GNAL: variants seen among roughly 807,000 people sequenced by gnomAD.
GNAL encodes the protein guanine nucleotide-binding protein G(olf) subunit alpha.
A neutral mutation model predicts 55.1 loss-of-function variants in GNAL; 18 were observed. That is an observed-to-expected ratio of 0.33 (90% CI 0.23 to 0.48). The LOEUF is 0.48. Among genes scored for constraint, GNAL ranks in the 20% least tolerant of loss-of-function variants. The probability of loss-of-function intolerance (pLI) is 0.99; values close to 1 mark genes in which losing one functional copy is unlikely to be tolerated. For missense variants in GNAL, 412 were observed against 614.1 expected, an observed-to-expected ratio of 0.67 and a Z score of 3.48; for synonymous variants, 253 against 237.0, an observed-to-expected ratio of 1.07 and a Z score of -0.62.
rs978918876 is a variant in GNAL, at chr18:11,752,020, C to G, written c.377-833C>G. 1 of 153,680 alleles carries G rather than the reference C, an allele frequency of 6.5e-6. No homozygotes were observed. Among genetic ancestry groups the G allele is most frequent in the Admixed American group, 6.5e-5 (1 of 15,308 alleles). The allele number at this position is 153,680 out of a possible 1,614,324, so 9.5% of individuals were successfully genotyped here. On this transcript the variant is annotated intron_variant, in intron 1 of 11. Transcript: ENST00000334049. This position sits in a 1 kb window ranked among gnomAD's most constrained non-coding sequence, Gnocchi z 4.5. ...ACCCGGCACCCAGCCGAGCGCGCCG[C>G]CCCCTCGGGGACCCGCTGGGCGGGG... is the stretch of plus-strand genomic sequence containing the variant.
At chr18:11,823,075 C>T (rs2035147284) in intron 4 of GNAL, among the ~76,000 whole-genome samples, 1 of 152,158 alleles carries the variant, frequency 6.6e-6, no homozygotes, top group Non-Finnish European at 1.5e-5. Context: ...GAAGACCCAT[C>T]ACCATGAGGC....
At position 11,875,872 on chromosome 18, in the gene GNAL, A is replaced by G. The variant is rs77205828; in HGVS notation, c.1163-749A>G. Reference sequence around the variant, plus strand: ...AGGCTGAAATGTCAAAGATTAAGACACCGGCCGATTCAGTGTCTGGTAAGG... The same window carrying G: ...AGGCTGAAATGTCAAAGATTAAGACGCCGGCCGATTCAGTGTCTGGTAAGG... On this transcript the variant is annotated intron_variant, in intron 10 of 11. Transcript: ENST00000334049. Among the ~76,000 whole-genome samples the G allele has an allele frequency of 8.9e-3, 1,358 of 152,310 alleles. 29 individuals carry two copies. Among genetic ancestry groups the G allele is most frequent in the African/African-American group, 0.031 (1,279 of 41,552 alleles).
At chr18:11,832,843 A>G (rs529554558) in intron 5 of GNAL, among the ~76,000 whole-genome samples, 84 of 152,220 alleles carry the variant, frequency 5.5e-4, no homozygotes, top group African/African-American at 1.9e-3. Flanking sequence ...CTGGGTGACA[A>G]GAGTGAAACT....
chr18:11,730,718 C>T (rs944774952), intron 1 of GNAL, among the ~76,000 whole-genome samples: 13 of 151,874 alleles, frequency 8.6e-5, no homozygotes, highest in African/African-American at 3.1e-4. Context: ...GACCTGAGAT[C>T]GCGTCACTGC....
In GNAL at chr18:11,753,888, A is replaced by G. The variant is rs781693236; in HGVS notation, c.567A>G (p.Gln189=). 23 of 1,609,706 alleles carry G rather than the reference A, an allele frequency of 1.4e-5. No homozygotes were observed. Among genetic ancestry groups the G allele is most frequent in the Admixed American group, 1.0e-4 (6 of 60,008 alleles). The change falls in exon 4 of 12, where the codon CAA becomes CAG. Residue 189 remains glutamine (Q), a synonymous_variant. Transcript: ENST00000334049. ...PPVPLANPEN[Q]FRSDYIKSIA... ...TTCCGCTGGCCAACCCTGAAAACCA[A>G]TTTCGATCAGACTACATCAAGAGCA... is the stretch of plus-strand genomic sequence containing the variant.
intron 5 of GNAL, among the ~76,000 whole-genome samples, chr18:11,855,999 C>T (rs1378057119): frequency 6.6e-6 from 1 of 150,920 alleles, no homozygotes; most frequent in Non-Finnish European, 1.5e-5. Context: ...TGAAAATAAG[C>T]ACCAGTCTGA....
At chr18:11,789,316 A>G (rs954688458) in intron 4 of GNAL, among the ~76,000 whole-genome samples, 3 of 152,178 alleles carry the variant, frequency 2.0e-5, no homozygotes, top group African/African-American at 7.2e-5. Context: ...AGGTATTTAA[A>G]TCTGGGTAAG....
chr18:11,861,693 G>A (rs941615512), intron 5 of GNAL, among the ~76,000 whole-genome samples: 6 of 152,130 alleles, frequency 3.9e-5, no homozygotes, highest in Admixed American at 1.3e-4. Flanking sequence ...GCTCCCTCTC[G>A]GAAGGGTCAT....
chr18:11,745,829 C>CA (rs938323670), intron 1 of GNAL: 62 of 174,094 alleles, frequency 3.6e-4, no homozygotes, highest in South Asian at 6.7e-4. Context: ...GCTACAACCA[C>CA]AAAAAAAAGA....
chr18:11,758,168 A>G (rs1197713923), intron 4 of GNAL, among the ~76,000 whole-genome samples: 1 of 152,190 alleles, frequency 6.6e-6, no homozygotes, highest in Non-Finnish European at 1.5e-5. Context: ...GTCCGGAACA[A>G]AAAAGGACCA....
chr18:11,690,454 C>T (rs2031208682), intron 1 of GNAL, among the ~76,000 whole-genome samples: 1 of 149,138 alleles, frequency 6.7e-6, no homozygotes, highest in South Asian at 2.1e-4. Flanking sequence ...ACTTGAGCTG[C>T]ACTTGCATTT....
At chr18:11,731,192 A>AGCTGGAGT (rs1161196465) in intron 1 of GNAL, among the ~76,000 whole-genome samples, 2 of 152,170 alleles carry the variant, frequency 1.3e-5, no homozygotes, top group Non-Finnish European at 2.9e-5. Context: ...CTGTTGCCCA[A>AGCTGGAGT]GCTGGAGTGC....
chr18:11,858,952 C>T (rs1248484648), intron 5 of GNAL, among the ~76,000 whole-genome samples: 1 of 152,170 alleles, frequency 6.6e-6, no homozygotes, highest in African/African-American at 2.4e-5. Flanking sequence ...CAGGAAGATG[C>T]ACTCACACGT....
chr18:11,879,932 G>A (rs662098), intron 11 of GNAL, among the ~76,000 whole-genome samples: 93,825 of 152,162 alleles, frequency 0.62, 30,634 homozygotes, highest in African/African-American at 0.84. Context: ...GCACCGTCCA[G>A]TACAGAACCA....
At chr18:11,827,215 C>A (rs1479152373) in intron 5 of GNAL, among the ~76,000 whole-genome samples, 1 of 152,194 alleles carries the variant, frequency 6.6e-6, no homozygotes, top group Non-Finnish European at 1.5e-5. Flanking sequence ...GAGCGCACAC[C>A]TGCTGCAAAC....
chr18:11,827,229 C>G (rs796798040), intron 5 of GNAL, among the ~76,000 whole-genome samples: 8 of 152,268 alleles, frequency 5.3e-5, no homozygotes, highest in African/African-American at 1.9e-4. Context: ...TGCAAACACC[C>G]TCAGAGGACC....
intron 4 of GNAL, among the ~76,000 whole-genome samples, chr18:11,814,137 T>C (rs1256135624): frequency 1.3e-5 from 2 of 152,124 alleles, no homozygotes; most frequent in African/African-American, 4.8e-5. Flanking sequence ...GGTAGGCAAA[T>C]ATTTCTTTGA....
intron 4 of GNAL, among the ~76,000 whole-genome samples, chr18:11,798,043 A>C (rs1225474845): frequency 6.6e-6 from 1 of 152,210 alleles, no homozygotes; most frequent in East Asian, 1.9e-4. Context: ...TCTGATAGCA[A>C]AGATATAATG....
intron 1 of GNAL, among the ~76,000 whole-genome samples, chr18:11,742,431 G>A (rs1213365761): frequency 6.6e-6 from 1 of 152,228 alleles, no homozygotes; most frequent in East Asian, 1.9e-4. Context: ...CCCATGAGGG[G>A]AGTACTGTTA....
Sources: allele counts gnomAD v4.1 joint callset (sites outside exome capture counted in the v4.1 genomes callset), GRCh38; gene constraint gnomAD v4.1.1; non-coding constraint Gnocchi (gnomAD v3.1); transcripts MANE v1.5; gene names NCBI Gene and HGNC (gene_info 2026-07-23, HGNC 2026-07-21).